Variants in EMX1 observed in about 807,000 individuals in gnomAD.
EMX1 encodes empty spiracles homeobox 1, also known as homeobox protein EMX1.
Under a neutral mutation model 20.1 loss-of-function variants are expected in EMX1, and 10 were observed. The ratio of observed to expected loss-of-function variants is 0.50; its 90% CI spans 0.31 to 0.84. EMX1 has a LOEUF of 0.84. Among genes scored for constraint, EMX1 ranks in the 40% least tolerant of loss-of-function variants. The pLI is 0.05. For synonymous variants in EMX1, 250 were observed against 200.4 expected, an observed-to-expected ratio of 1.25 and a Z score of -2.09; for missense variants, 424 against 431.9, an observed-to-expected ratio of 0.98 and a Z score of 0.16.
chr2:72,918,786 A>G (rs756561927), intron 1 of EMX1, among the ~76,000 whole-genome samples: 135 of 152,306 alleles, frequency 8.9e-4, no homozygotes, highest in Non-Finnish European at 1.0e-3. Flanking sequence ...ACCACCTCCG[A>G]GACCTCAGCC....
chr2:72,917,106 G>T, upstream of EMX1: 1 of 619,354 alleles, frequency 1.6e-6, no homozygotes, highest in Non-Finnish European at 3.0e-6. Flanking sequence ...CAGAGAGCTG[G>T]TTTTCGGGAA....
Position 72,917,921 on chromosome 2 carries a change from G to T in EMX1, c.69G>T (p.Arg23=). The change falls in exon 1 of 3, where the codon CGG becomes CGT. Residue 23 remains arginine, a synonymous_variant. Transcript: ENST00000258106. ...APGRGALPRA[R]LPRTAPAAAT... Reference sequence around the variant, plus strand: ...GACGCGGAGCGCTCCCCAGAGCCCGGCTGCCTCGCACAGCTCCCGCGGCTG... The same window carrying T: ...GACGCGGAGCGCTCCCCAGAGCCCGTCTGCCTCGCACAGCTCCCGCGGCTG... The T allele has an allele frequency of 6.7e-7, 1 of 1,484,356 alleles. No individual in the cohort carries two copies. The highest frequency in any genetic ancestry group is 1.3e-5 in the South Asian group (1 of 79,304). The allele number at this position is 1,484,356 out of a possible 1,614,324, so 91.9% of individuals were successfully genotyped here. A position where few individuals can be genotyped will look rare whatever the true frequency, so the allele number is the denominator to read the frequency against.
chr2:72,918,047 C>T lies in EMX1; in HGVS notation c.195C>T (p.Gly65=), dbSNP rs1425655609. ...GGGGCACTGGCGGCGGGGGCGCGGGCTCCCATCTCCTGGCGGCGGCCGCCT... is the reference window on the plus strand; with the variant it reads ...GGGGCACTGGCGGCGGGGGCGCGGGTTCCCATCTCCTGGCGGCGGCCGCCT... ...TGGGTGGGGA[G]SHLLAAAASE... is the part of the protein sequence containing the mutation. Residue 65 remains glycine, a synonymous_variant, in exon 1 of 3, where the codon GGC becomes GGT. Transcript: ENST00000258106. 8.5e-6 allele frequency: 12 copies of T among 1,415,134 alleles called. No homozygotes were observed. The South Asian group carries it at 1.8e-4, about 21-fold the overall frequency. 87.7% of individuals were successfully genotyped at this position (1,415,134 alleles called of 1,614,324 possible).
intron 2 of EMX1, chr2:72,925,685 C>T: frequency 8.5e-7 from 1 of 1,172,144 alleles, no homozygotes; most frequent in South Asian, 1.6e-5. Flanking sequence ...GCAGCCGGAG[C>T]CTCCCTTTAG....
In EMX1 at chr2:72,930,988, T is replaced by C. The variant is rs1671270818; in HGVS notation, c.706-2799T>C. On this transcript the variant is annotated intron_variant, in intron 2 of 2. Transcript: ENST00000258106. This position sits in a 1 kb window ranked among gnomAD's most constrained non-coding sequence, Gnocchi z 4.4. ...AGCCTTGTGCATCCTGGCGTTTCCA[T>C]TAATGCTATGAAGTCATAAGCACTA... Among the ~76,000 whole-genome samples the C allele has an allele frequency of 6.6e-6, 1 of 152,202 alleles. No homozygotes were observed. Among genetic ancestry groups the C allele is most frequent in the African/African-American group, 2.4e-5 (1 of 41,450 alleles).
At chr2:72,927,929 C>T (rs1451292065) in intron 2 of EMX1, among the ~76,000 whole-genome samples, 3 of 152,218 alleles carry the variant, frequency 2.0e-5, no homozygotes, top group African/African-American at 4.8e-5. Context: ...TTCCCTTGTA[C>T]TTTCACAGCT....
intron 2 of EMX1, among the ~76,000 whole-genome samples, chr2:72,931,176 T>A (rs1671273666): frequency 6.6e-6 from 1 of 152,172 alleles, no homozygotes; most frequent in South Asian, 2.1e-4. Context: ...AGAATCACCT[T>A]TCACTTGGGT....
At position 72,933,993 on chromosome 2, in the gene EMX1, T is replaced by C; in HGVS notation, c.*39T>C. On this transcript the variant is annotated 3_prime_UTR_variant, in exon 3 of 3. Coordinates refer to ENST00000258106, the MANE Select transcript of EMX1 (RefSeq NM_004097.3). ...AAACCCACGAGGGCAGAGTGCTGCT[T>C]GCTGCTGGCCAGGCCCCTGCGTGGG... 6.2e-7 allele frequency: 1 copy of C among 1,612,476 alleles called. No homozygotes were observed. The highest frequency in any genetic ancestry group is 8.5e-7 in the Non-Finnish European group (1 of 1,179,114).
At chr2:72,917,190 G>A (rs1670978853), upstream of EMX1, 7 of 605,536 alleles carry the variant, frequency 1.2e-5, no homozygotes, top group South Asian at 4.0e-5. Flanking sequence ...ACGACATCCC[G>A]GGACGAATGG....
intron 2 of EMX1, 133 bp from the exon 3 acceptor site, chr2:72,933,654 G>A (rs1296021428): frequency 1.6e-6 from 2 of 1,225,204 alleles, no homozygotes; most frequent in Admixed American, 5.5e-5. Flanking sequence ...GGGGACCCCG[G>A]CCTGGGGCCC....
In EMX1 at chr2:72,934,192, C is replaced by A; in HGVS notation, c.*238C>A. The A allele has an allele frequency of 1.9e-6, 1 of 535,792 alleles. No individual in the cohort carries two copies. Among genetic ancestry groups the A allele is most frequent in the Non-Finnish European group, 3.3e-6 (1 of 306,970 alleles). 33.2% of individuals were successfully genotyped at this position (535,792 alleles called of 1,614,324 possible). A position where few individuals can be genotyped will look rare whatever the true frequency, so the allele number is the denominator to read the frequency against. On this transcript the variant is annotated 3_prime_UTR_variant, in exon 3 of 3. Coordinates refer to ENST00000258106, the MANE Select transcript of EMX1 (RefSeq NM_004097.3). ...GAGCCTGCCTGCCTGGGCGGGCCCG[C>A]CCGCCACCGCAGCCTCCCAGCTGCT...
chr2:72,916,643 G>T (rs777261566), upstream of EMX1: 61 of 705,794 alleles, frequency 8.6e-5, 3 homozygotes, highest in South Asian at 9.2e-4. Flanking sequence ...GGGAGGTCAG[G>T]CTGCTTCTGC....
chr2:72,933,575 C>T (rs1671317573), intron 2 of EMX1: 1 of 587,778 alleles, frequency 1.7e-6, no homozygotes, highest in Non-Finnish European at 3.0e-6. Flanking sequence ...CTCTCTGGCC[C>T]ACTGTGTCCT....
At chr2:72,917,323 A>C (rs1670981889), upstream of EMX1, among the ~76,000 whole-genome samples, 1 of 152,162 alleles carries the variant, frequency 6.6e-6, no homozygotes, top group African/African-American at 2.4e-5. Context: ...ACTCAGCTAA[A>C]GGGCGGAGTC....
At position 72,930,142 on chromosome 2, in the gene EMX1, C is replaced by T. The variant is rs1671259194; in HGVS notation, c.706-3645C>T. Among the ~76,000 whole-genome samples, 1 of 152,226 alleles carries T rather than the reference C, an allele frequency of 6.6e-6. No individual in the cohort carries two copies. Among genetic ancestry groups the T allele is most frequent in the East Asian group, 1.9e-4 (1 of 5,202 alleles). ...TGTTTTCCAGGTCTGGCCCAGGTAC[C>T]TCTTGCCTAGAGCATAGGCTTGTCC... On this transcript the variant is annotated intron_variant, in intron 2 of 2. Coordinates refer to ENST00000258106, the MANE Select transcript of EMX1 (RefSeq NM_004097.3). This position sits in a 1 kb window ranked among gnomAD's most constrained non-coding sequence, Gnocchi z 4.4.
chr2:72,917,684 G>C lies in EMX1; in HGVS notation c.-169G>C, dbSNP rs993911061. The C allele has an allele frequency of 4.4e-6, 2 of 455,904 alleles. No individual in the cohort carries two copies. Among genetic ancestry groups the C allele is most frequent in the East Asian group, 6.2e-5 (1 of 16,042 alleles). The allele number at this position is 455,904 out of a possible 1,614,324, so 28.2% of individuals were successfully genotyped here. ...GCACGGAGCCCGCGCCTGTGCGGGC[G>C]CCTGGAGCTGCCCGCTCCGCCGCAG... On this transcript the variant is annotated 5_prime_UTR_variant, in exon 1 of 3. Coordinates refer to ENST00000258106, the MANE Select transcript of EMX1 (RefSeq NM_004097.3).
rs745687710 is a variant in EMX1 at position 72,930,874 on chromosome 2, ACAT to A, written c.706-2910_706-2908del. Among the ~76,000 whole-genome samples the A allele has an allele frequency of 6.6e-6, 1 of 152,220 alleles. No individual in the cohort carries two copies. The highest frequency in any genetic ancestry group is 2.4e-5 in the African/African-American group (1 of 41,452). On this transcript the variant is annotated intron_variant, in intron 2 of 2. Transcript: ENST00000258106. The surrounding 1 kb of genome is among the most constrained non-coding windows in gnomAD (Gnocchi z 4.4). ...TCAGAAAAGTAGAAAGAAGAAAGAAACATCACCCACACTTTAGGTATATTTCCT... is the reference window on the plus strand; with the variant it reads ...TCAGAAAAGTAGAAAGAAGAAAGAAACACCCACACTTTAGGTATATTTCCT...
In EMX1 at chr2:72,933,920, A is replaced by G. The variant is rs758014470; in HGVS notation, c.839A>G (p.Asn280Ser). The G allele has an allele frequency of 2.5e-6, 4 of 1,614,160 alleles. No individual in the cohort carries two copies. Among genetic ancestry groups the G allele is most frequent in the Non-Finnish European group, 3.4e-6 (4 of 1,180,046 alleles). Reference protein sequence around the residue: ...NRWRIATKQANGEDIDVTSND With the variant: ...NRWRIATKQASGEDIDVTSND ...TGGCGCATTGCCACGAAGCAGGCCA[A>G]TGGGGAGGACATCGATGTCACCTCC... The change falls in exon 3 of 3, where the codon AAT becomes AGT. Residue 280 changes from asparagine (N) to serine (S), a missense_variant. Physicochemically the swap from Asn to Ser is conservative, Grantham distance 46. This residue lies in a region of EMX1 where 91 missense variants were observed against 135.2 expected (regional missense o/e 0.67). Transcript: ENST00000258106.
Position 72,934,053 on chromosome 2 carries a change from T to C in EMX1, c.*99T>C. On this transcript the variant is annotated 3_prime_UTR_variant, in exon 3 of 3. Coordinates refer to ENST00000258106, the MANE Select transcript of EMX1 (RefSeq NM_004097.3). The stretch of plus-strand genomic sequence containing the variant: ...GACTCTGGCCACTCCCTGGCCAGGC[T>C]TTGGGGAGGCCTGGAGTCATGGCCC... The C allele has an allele frequency of 7.3e-6, 11 of 1,503,742 alleles. No individual in the cohort carries two copies. Among genetic ancestry groups the C allele is most frequent in the Non-Finnish European group, 9.9e-6 (11 of 1,113,168 alleles). The allele number at this position is 1,503,742 out of a possible 1,614,324, so 93.1% of individuals were successfully genotyped here. A position where few individuals can be genotyped will look rare whatever the true frequency, so the allele number is the denominator to read the frequency against.
Sources: allele counts gnomAD v4.1 joint callset (sites outside exome capture counted in the v4.1 genomes callset), GRCh38; gene constraint gnomAD v4.1.1; regional missense constraint gnomAD v4.1.1; non-coding constraint Gnocchi (gnomAD v3.1); transcripts MANE v1.5; gene names NCBI Gene and HGNC (gene_info 2026-07-23, HGNC 2026-07-21).